PHACTR3: variants seen among roughly 807,000 people sequenced by gnomAD.
The protein encoded by PHACTR3 is phosphatase and actin regulator 3.
A neutral mutation model predicts 66.8 loss-of-function variants in PHACTR3; 16 were observed. The observed-to-expected ratio is 0.24, with a 90% CI of 0.16 to 0.36. The LOEUF (loss-of-function observed/expected upper bound fraction) is 0.36. PHACTR3 is among the 10% of genes least tolerant of loss of function. The pLI is 1.00. For missense variants in PHACTR3, 647 were observed against 719.9 expected, an observed-to-expected ratio of 0.90 and a Z score of 1.16; for synonymous variants, 323 against 292.1, an observed-to-expected ratio of 1.11 and a Z score of -1.08.
chr20:59,698,407 G>T (rs1301160390), intron 1 of PHACTR3, among the ~76,000 whole-genome samples: 3 of 151,602 alleles, frequency 2.0e-5, no homozygotes, highest in Non-Finnish European at 2.9e-5. Flanking sequence ...TCTGATAATT[G>T]TTCCTTCTGG....
chr20:59,728,603 T>C (rs1485350201), intron 1 of PHACTR3, among the ~76,000 whole-genome samples: 1 of 152,110 alleles, frequency 6.6e-6, no homozygotes, highest in Non-Finnish European at 1.5e-5. Context: ...TCTTAACTCC[T>C]ATTGATTTTT....
intron 7 of PHACTR3, among the ~76,000 whole-genome samples, chr20:59,777,043 G>A (rs1013044765): frequency 1.3e-5 from 2 of 152,164 alleles, no homozygotes; most frequent in African/African-American, 4.8e-5. Flanking sequence ...ATCAAAGTGT[G>A]GGTAGGGTCG....
chr20:59,653,992 C>T (rs1382753050), intron 1 of PHACTR3, among the ~76,000 whole-genome samples: 2 of 152,038 alleles, frequency 1.3e-5, no homozygotes, highest in African/African-American at 2.4e-5. Context: ...TTTATTATGC[C>T]AGAAAGCAAA....
chr20:59,650,009 C>T (rs2035409781), intron 1 of PHACTR3, among the ~76,000 whole-genome samples: 1 of 151,938 alleles, frequency 6.6e-6, no homozygotes, highest in Admixed American at 6.6e-5. Flanking sequence ...AAAAATTTAA[C>T]TATAAAGAAT....
intron 3 of PHACTR3, among the ~76,000 whole-genome samples, chr20:59,749,549 C>T (rs770526458): frequency 6.6e-6 from 1 of 152,166 alleles, no homozygotes; most frequent in South Asian, 2.1e-4. Context: ...CTCTGGCTTC[C>T]GTGCCTCTGA....
At chr20:59,577,661 G>A in intron 1 of PHACTR3, 1 of 1,170,328 alleles carries the variant, frequency 8.5e-7, no homozygotes. Flanking sequence ...GTGGGGCCCG[G>A]GGTGCCCGCC....
intron 1 of PHACTR3, among the ~76,000 whole-genome samples, chr20:59,633,663 C>T (rs2034749386): frequency 6.6e-6 from 1 of 152,198 alleles, no homozygotes; most frequent in African/African-American, 2.4e-5. Context: ...TAGAAGCTCA[C>T]TTGCCTGGAT....
chr20:59,600,976 G>T (rs2033464045), upstream of PHACTR3, among the ~76,000 whole-genome samples: 2 of 150,540 alleles, frequency 1.3e-5, no homozygotes, highest in Middle Eastern at 3.4e-3. Flanking sequence ...TTTATTGAAA[G>T]AATTTACATA....
chr20:59,787,321 G>A (rs927863159), intron 7 of PHACTR3, among the ~76,000 whole-genome samples: 2 of 152,224 alleles, frequency 1.3e-5, no homozygotes, highest in Non-Finnish European at 2.9e-5. Flanking sequence ...GGCTTCCGGG[G>A]CTGGGCTGGG....
At chr20:59,789,715 G>A (rs1318082166) in intron 7 of PHACTR3, among the ~76,000 whole-genome samples, 2 of 152,230 alleles carry the variant, frequency 1.3e-5, no homozygotes, top group Non-Finnish European at 1.5e-5. Context: ...CACTGCTTGT[G>A]CAAAACAGAC....
At chr20:59,652,643 T>C (rs1371825312) in intron 1 of PHACTR3, among the ~76,000 whole-genome samples, 1 of 152,222 alleles carries the variant, frequency 6.6e-6, no homozygotes, top group Non-Finnish European at 1.5e-5. Context: ...ATTAGATAAT[T>C]TCTGTCTCTT....
At chr20:59,713,938 T>C (rs1328686579) in intron 1 of PHACTR3, among the ~76,000 whole-genome samples, 11 of 152,176 alleles carry the variant, frequency 7.2e-5, no homozygotes, top group Non-Finnish European at 1.3e-4. Context: ...TTCTAAACAA[T>C]TTTAGACATC....
chr20:59,797,602 A>C (rs770960922), intron 7 of PHACTR3, among the ~76,000 whole-genome samples: 30 of 152,300 alleles, frequency 2.0e-4, no homozygotes, highest in Middle Eastern at 6.8e-3. Context: ...AGCTGTAATC[A>C]ATGTCAGCAA....
chr20:59,784,682 A>G (rs999989313), intron 7 of PHACTR3, among the ~76,000 whole-genome samples: 1 of 152,218 alleles, frequency 6.6e-6, no homozygotes, highest in South Asian at 2.1e-4. Context: ...AAAAGACACC[A>G]AAGTGTGAAG....
At chr20:59,714,544 C>G (rs958598062) in intron 1 of PHACTR3, among the ~76,000 whole-genome samples, 6 of 152,210 alleles carry the variant, frequency 3.9e-5, no homozygotes, top group Non-Finnish European at 5.9e-5. Context: ...ATTGGCCTGT[C>G]TGAACTTGTT....
rs554876794 is a variant in PHACTR3 at position 59,698,985 on chromosome 20, AG to A, written c.119-44121del. On this transcript the variant is annotated intron_variant, in intron 1 of 12. Transcript: ENST00000371015. ...AAACACAACTTCCCCCAGATATTCC[AG>A]TGTTTCTGCTGATGCCCAAATCCCT... Among the ~76,000 whole-genome samples the A allele has an allele frequency of 2.0e-5, 3 of 152,324 alleles. No individual in the cohort carries two copies. The East Asian group carries it at 5.8e-4, about 29-fold the overall frequency.
At chr20:59,746,959 G>T (rs1218567215) in intron 2 of PHACTR3, among the ~76,000 whole-genome samples, 1 of 149,798 alleles carries the variant, frequency 6.7e-6, no homozygotes, top group Non-Finnish European at 1.5e-5. Context: ...CAAAGAAAGG[G>T]TTGAGGTGGT....
At chr20:59,747,900 C>T (rs2039431939) in intron 3 of PHACTR3, 65 bp downstream of exon 3, 2 of 1,532,856 alleles carry the variant, frequency 1.3e-6, no homozygotes, top group East Asian at 4.5e-5. Context: ...GAAAGTCTCA[C>T]ATGAGCCCAG....
At chr20:59,732,841 C>T (rs189898136) in intron 1 of PHACTR3, among the ~76,000 whole-genome samples, 71 of 152,220 alleles carry the variant, frequency 4.7e-4, no homozygotes, top group African/African-American at 1.5e-3. Context: ...TGCTAGGTGC[C>T]GGAGGAGGAA....
Sources: gnomAD v4.1 joint callset for allele counts (sites outside exome capture counted in the v4.1 genomes callset) on GRCh38, gnomAD v4.1.1 for gene constraint, MANE v1.5 for transcripts, NCBI Gene and HGNC (gene_info 2026-07-23, HGNC 2026-07-21) for gene names.